The following RGS6 variants were observed in gnomAD, a reference collection of about 807,000 sequenced individuals.
The protein encoded by RGS6 is regulator of G protein signaling 6.
Under a neutral mutation model 78.5 loss-of-function variants are expected in RGS6, and 30 were observed. The observed-to-expected ratio is 0.38, with a 90% CI of 0.29 to 0.52. The LOEUF (loss-of-function observed/expected upper bound fraction) is 0.52, where lower values mean the gene tolerates loss of function less well. RGS6 is among the 20% of genes least tolerant of loss of function. The probability of loss-of-function intolerance (pLI) is 0.85; values close to 1 mark genes in which losing one functional copy is unlikely to be tolerated. For missense variants in RGS6, 495 were observed against 609.7 expected (o/e 0.81, Z 1.98); for synonymous variants, 206 against 206.0 (o/e 1.00, Z 0.00).
At chr14:72,449,256 G>A (rs1597672088) in intron 3 of RGS6, among the ~76,000 whole-genome samples, 1 of 152,178 alleles carries the variant, frequency 6.6e-6, no homozygotes, top group African/African-American at 2.4e-5. Flanking sequence ...AGTCAAGATT[G>A]ATAATTAGTT....
chr14:72,245,629 C>T (rs988537550), intron 2 of RGS6, among the ~76,000 whole-genome samples: 1 of 152,142 alleles, frequency 6.6e-6, no homozygotes, highest in Non-Finnish European at 1.5e-5. Context: ...CCAGCTTGGG[C>T]GTTATCCTTC....
chr14:71,910,074 C>T, the RGS6 span, among the ~76,000 whole-genome samples: 1 of 152,090 alleles, frequency 6.6e-6, no homozygotes, highest in Admixed American at 6.5e-5. Flanking sequence ...CCTGGAATCC[C>T]AGCTACTTGG....
At chr14:72,443,731 A>T (rs772529352) in intron 3 of RGS6, among the ~76,000 whole-genome samples, 2 of 152,198 alleles carry the variant, frequency 1.3e-5, no homozygotes, top group Non-Finnish European at 2.9e-5. Context: ...CATCCCAGAA[A>T]TATGCTCAGC....
intron 3 of RGS6, among the ~76,000 whole-genome samples, chr14:72,372,823 C>T (rs1053199935): frequency 2.6e-5 from 4 of 152,208 alleles, no homozygotes; most frequent in African/African-American, 9.7e-5. Context: ...ATAGCTCATC[C>T]TTGCTTCTGC....
chr14:72,444,284 G>A (rs1039314310), intron 3 of RGS6, among the ~76,000 whole-genome samples: 1 of 152,142 alleles, frequency 6.6e-6, no homozygotes, highest in Non-Finnish European at 1.5e-5. Flanking sequence ...TAACCTCGCT[G>A]GGTCTCCTGG....
chr14:71,911,958 G>A, the RGS6 span, among the ~76,000 whole-genome samples: 18 of 152,302 alleles, frequency 1.2e-4, 1 homozygote, highest in East Asian at 9.6e-4. Context: ...TGTTGCTTAC[G>A]TCCCATATTC....
chr14:72,314,324 C>T (rs1340072383), intron 2 of RGS6, among the ~76,000 whole-genome samples: 1 of 152,162 alleles, frequency 6.6e-6, no homozygotes, highest in African/African-American at 2.4e-5. Context: ...AAGATGGCTG[C>T]TGTGGGTCCA....
chr14:72,544,446 AAGAT>A (rs771876714), intron 17 of RGS6, among the ~76,000 whole-genome samples: 2 of 152,096 alleles, frequency 1.3e-5, no homozygotes, highest in Non-Finnish European at 2.9e-5. Flanking sequence ...TTGGGCTCCA[AAGAT>A]AGATAGATAG....
intron 3 of RGS6, among the ~76,000 whole-genome samples, chr14:72,403,450 AGG>A (rs2092653404): frequency 6.6e-6 from 1 of 152,212 alleles, no homozygotes. Flanking sequence ...GAAACTGAGA[AGG>A]GTAGGAGGGG....
intron 2 of RGS6, among the ~76,000 whole-genome samples, chr14:72,043,731 G>A (rs966316504): frequency 5.9e-5 from 9 of 152,132 alleles, no homozygotes; most frequent in African/African-American, 2.2e-4. Flanking sequence ...TGTGCTTAGT[G>A]GTGGTCTCTA....
At chr14:72,540,620 G>A in intron 17 of RGS6, 6 of 1,456,736 alleles carry the variant, frequency 4.1e-6, no homozygotes, top group Non-Finnish European at 5.5e-6. Flanking sequence ...CATGGGTCCT[G>A]GCGATGTGGC....
At chr14:72,233,206 T>C (rs959193945) in intron 2 of RGS6, among the ~76,000 whole-genome samples, 1 of 152,212 alleles carries the variant, frequency 6.6e-6, no homozygotes, top group African/African-American at 2.4e-5. Flanking sequence ...CTCTTTGGCC[T>C]TGCATTTGTA....
chr14:72,338,184 G>A lies in RGS6; in HGVS notation c.85-13911G>A, dbSNP rs2076381342. Among the ~76,000 whole-genome samples, 3 of 152,162 alleles carry A rather than the reference G, an allele frequency of 2.0e-5. No homozygotes were observed. In the South Asian group the frequency reaches 6.2e-4, roughly 32 times the overall value. On this transcript the variant is annotated intron_variant, in intron 2 of 17. Transcript: ENST00000553525. ...GTGGATAAAGATAAGGCTGCTCTGAGAAGCTGTATTAGTTTTCACAATGCT... is the reference window on the plus strand; with the variant it reads ...GTGGATAAAGATAAGGCTGCTCTGAAAAGCTGTATTAGTTTTCACAATGCT...
chr14:72,309,378 A>G (rs1233151237), intron 2 of RGS6, among the ~76,000 whole-genome samples: 2 of 152,226 alleles, frequency 1.3e-5, no homozygotes, highest in Non-Finnish European at 2.9e-5. Flanking sequence ...CTAGCACACC[A>G]TTTGGCACAT....
chr14:72,472,991 CTTAA>C, intron 9 of RGS6, 38 bp downstream of exon 9: 2 of 1,429,694 alleles, frequency 1.4e-6, no homozygotes, highest in Non-Finnish European at 1.9e-6. Context: ...ATTTTTTTTT[CTTAA>C]TTGTTCATTT....
rs2096023552 is a variant in RGS6 at position 72,469,816 on chromosome 14, A to G, written c.460-191A>G. The G allele has an allele frequency of 9.3e-6, 5 of 538,372 alleles. No individual in the cohort carries two copies. In the South Asian group the frequency reaches 1.1e-4, roughly 11 times the overall value. The allele number at this position is 538,372 out of a possible 1,614,324, so 33.3% of individuals were successfully genotyped here. A position where few individuals can be genotyped will look rare whatever the true frequency, so the allele number is the denominator to read the frequency against. On this transcript the variant is annotated intron_variant, in intron 7 of 17. Transcript: ENST00000553525. ...AGACTTAATGGGTGTGTAAATGAAT[A>G]TTAATAGTTCAGCTCTGTACGGAGG... is the stretch of plus-strand genomic sequence containing the variant.
chr14:72,229,610 A>G (rs959890552), intron 2 of RGS6, among the ~76,000 whole-genome samples: 1 of 152,204 alleles, frequency 6.6e-6, no homozygotes, highest in Non-Finnish European at 1.5e-5. Context: ...TTTGTCCCAC[A>G]TTTCTGGGAA....
chr14:72,225,104 C>T (rs1014602501), intron 2 of RGS6, among the ~76,000 whole-genome samples: 6 of 152,098 alleles, frequency 3.9e-5, no homozygotes, highest in Non-Finnish European at 4.4e-5. Context: ...ACTGAAGGTG[C>T]GTTTGATGAA....
intron 3 of RGS6, among the ~76,000 whole-genome samples, chr14:72,375,310 A>G (rs932927253): frequency 6.6e-6 from 1 of 152,248 alleles, no homozygotes; most frequent in Non-Finnish European, 1.5e-5. Context: ...ATAAAATGAA[A>G]ACAAATCTAT....
Sources: gnomAD v4.1 joint callset for allele counts (sites outside exome capture counted in the v4.1 genomes callset) on GRCh38, gnomAD v4.1.1 for gene constraint, MANE v1.5 for transcripts, NCBI Gene and HGNC (gene_info 2026-07-23, HGNC 2026-07-21) for gene names.